Variants in TAF2 observed in about 807,000 individuals in gnomAD.
TAF2 encodes the protein transcription initiation factor TFIID subunit 2.
A neutral mutation model predicts 138.5 loss-of-function variants in TAF2; 61 were observed. The ratio of observed to expected loss-of-function variants is 0.44; its 90% confidence interval spans 0.36 to 0.54. The LOEUF (loss-of-function observed/expected upper bound fraction) is 0.54. Ranked by LOEUF, TAF2 falls within the 20% of genes least tolerant of loss-of-function variation. The pLI, the probability that TAF2 is intolerant of heterozygous loss-of-function variation, is 0.00. For synonymous variants in TAF2, 475 were observed against 469.9 expected (o/e 1.01, Z -0.14); for missense variants, 1,090 against 1,427.9 (o/e 0.76, Z 3.81).
chr8:119,808,240 C>T (rs1015489958), intron 3 of TAF2, among the ~76,000 whole-genome samples: 1 of 152,192 alleles, frequency 6.6e-6, no homozygotes, highest in Non-Finnish European at 1.5e-5. Flanking sequence ...ATTCCAAAAA[C>T]ATTCAGAGCA....
intron 4 of TAF2, among the ~76,000 whole-genome samples, chr8:119,804,750 T>TC: frequency 6.6e-6 from 1 of 152,284 alleles, no homozygotes; most frequent in East Asian, 1.9e-4. Context: ...TACACTTACT[T>TC]TTCAAGTTCT....
chr8:119,741,321 G>A (rs1586287550), intron 25 of TAF2, among the ~76,000 whole-genome samples: 1 of 152,014 alleles, frequency 6.6e-6, no homozygotes, highest in Non-Finnish European at 1.5e-5. Context: ...GTAAGCAGAA[G>A]CATCATCCTC....
intron 3 of TAF2, among the ~76,000 whole-genome samples, chr8:119,812,080 C>T (rs1418333370): frequency 6.6e-6 from 1 of 151,998 alleles, no homozygotes; most frequent in African/African-American, 2.4e-5. Context: ...TTGTTGCACG[C>T]AAGTTTTTAA....
chr8:119,775,809 A>C (rs1822189295), intron 18 of TAF2, among the ~76,000 whole-genome samples: 1 of 152,202 alleles, frequency 6.6e-6, no homozygotes, highest in African/African-American at 2.4e-5. Flanking sequence ...GGGAAAAATA[A>C]ATAGCCAGTT....
At chr8:119,829,946 C>T (rs1373543101) in intron 2 of TAF2, among the ~76,000 whole-genome samples, 2 of 150,506 alleles carry the variant, frequency 1.3e-5, no homozygotes, top group Non-Finnish European at 3.0e-5. Flanking sequence ...TGCAAGTTCG[C>T]CTCCCAGGTT....
Position 119,797,088 on chromosome 8 carries a change from G to A in TAF2, c.993C>T (p.His331=). The stretch of plus-strand genomic sequence containing the variant: ...GTGTCTCATCTATAATCATGGCACT[G>A]TGTAAAAGATTTGTGCTGGAATTTA... The part of the protein sequence containing the change: ...SMSIFSTNLL[H]SAMIIDETPL... Residue 331 remains histidine (H), a synonymous_variant, in exon 8 of 26, where the codon CAC becomes CAT. Transcript: ENST00000378164. The A allele has an allele frequency of 5.0e-6, 8 of 1,612,020 alleles. No individual in the cohort carries two copies. The highest frequency in any genetic ancestry group is 6.8e-6 in the Non-Finnish European group (8 of 1,178,456).
In TAF2 at chr8:119,738,458, A is replaced by G. The variant is rs577627933; in HGVS notation, c.3337+4076T>C. ...CACAGGCACCACTCATCTTTAGGCT[A>G]ATAAAAGTCCTTTTAGTAAACTGAA... On this transcript the variant is annotated intron_variant, in intron 25 of 25. Transcript: ENST00000378164. Among the ~76,000 whole-genome samples the G allele has an allele frequency of 1.8e-4, 28 of 152,318 alleles. No individual in the cohort carries two copies. The South Asian group carries it at 5.8e-3, about 32-fold the overall frequency.
chr8:119,747,578 G>A (rs1243786736), intron 22 of TAF2, among the ~76,000 whole-genome samples: 2 of 152,084 alleles, frequency 1.3e-5, no homozygotes, highest in African/African-American at 4.8e-5. Flanking sequence ...CAAAATAGGA[G>A]TTTTGGTCTC....
In TAF2 at chr8:119,766,238, G is replaced by A. The variant is rs754601122; in HGVS notation, c.2365-3630C>T. 2.8e-4 allele frequency among the ~76,000 whole-genome samples: 43 copies of A among 152,116 alleles called. No individual in the cohort carries two copies. In the East Asian group the frequency reaches 3.7e-3, roughly 13 times the overall value. ...AGTGGTTCTCAACACAATTCTGCCC[G>A]TCAGACTTTCTGGCAATGTCTAGAG... On this transcript the variant is annotated intron_variant, in intron 18 of 25. Coordinates refer to ENST00000378164, the MANE Select transcript of TAF2 (RefSeq NM_003184.4).
Position 119,782,527 on chromosome 8 carries a change from C to T in TAF2, c.2112+854G>A, listed in dbSNP as rs143753102. ...ATTATCATTAAAAATAAATCAAAAC[C>T]ATTATTAACTTGTTGAAATATAGGA... On this transcript the variant is annotated intron_variant, in intron 16 of 25. Coordinates refer to ENST00000378164, the MANE Select transcript of TAF2 (RefSeq NM_003184.4). Among the ~76,000 whole-genome samples the T allele has an allele frequency of 2.3e-3, 356 of 152,126 alleles. 1 individual carries two copies. The highest frequency in any genetic ancestry group is 8.2e-3 in the African/African-American group (340 of 41,504).
At chr8:119,765,364 T>C (rs564471044) in intron 18 of TAF2, among the ~76,000 whole-genome samples, 43 of 151,874 alleles carry the variant, frequency 2.8e-4, no homozygotes, top group African/African-American at 9.4e-4. Context: ...CAAAACAAAA[T>C]GAAACAATGC....
In TAF2 at chr8:119,797,054, T is replaced by C; in HGVS notation, c.1027A>G (p.Arg343Gly). ...AMIIDETPLT[R>G]RCLAQSLAQQ... ...GCCAAGGATTGGGCTAAACACCTTC[T>C]AGTCAAAGGTGTCTCATCTATAATC... The change falls in exon 8 of 26, where the codon AGA (arginine) becomes GGA (glycine). Residue 343 changes from arginine to glycine, a missense_variant. Physicochemically the swap from Arg to Gly is moderately radical, Grantham distance 125. Transcript: ENST00000378164. The C allele has an allele frequency of 6.2e-7, 1 of 1,613,294 alleles. No homozygotes were observed. The highest frequency in any genetic ancestry group is 8.5e-7 in the Non-Finnish European group (1 of 1,179,488).
chr8:119,811,435 AACAGCTCGATAAATTTTC>A (rs1232101788), intron 3 of TAF2, among the ~76,000 whole-genome samples: 15 of 152,130 alleles, frequency 9.9e-5, no homozygotes, highest in African/African-American at 3.6e-4. Flanking sequence ...CGCCCTAGTA[AACAGCTCGATAAATTTTC>A]ACAAACTGAA....
intron 3 of TAF2, among the ~76,000 whole-genome samples, chr8:119,817,446 T>G (rs1476021084): frequency 1.3e-5 from 2 of 152,100 alleles, no homozygotes; most frequent in Non-Finnish European, 2.9e-5. Context: ...GAGGTGGAAG[T>G]TTCATCCAAA....
chr8:119,733,780 GCC>G (rs112007210), intron 25 of TAF2, among the ~76,000 whole-genome samples: 3 of 149,054 alleles, frequency 2.0e-5, no homozygotes, highest in Admixed American at 1.3e-4. Flanking sequence ...TCTTAAATCC[GCC>G]CCCCCCCATC....
intron 25 of TAF2, among the ~76,000 whole-genome samples, chr8:119,738,126 T>C (rs1819354925): frequency 6.6e-6 from 1 of 151,796 alleles, no homozygotes; most frequent in African/African-American, 2.4e-5. Flanking sequence ...TTTTATTTAT[T>C]CTCTCTAGAG....
At chr8:119,751,049 T>C (rs1341973094) in intron 22 of TAF2, among the ~76,000 whole-genome samples, 2 of 152,172 alleles carry the variant, frequency 1.3e-5, no homozygotes, top group African/African-American at 4.8e-5. Flanking sequence ...AGCAAAAGTA[T>C]TTAAGTCTTA....
intron 2 of TAF2, among the ~76,000 whole-genome samples, chr8:119,825,673 C>T (rs1373544399): frequency 1.3e-5 from 2 of 151,854 alleles, no homozygotes; most frequent in South Asian, 2.1e-4. Flanking sequence ...CGAGACCTGA[C>T]GGTTTTTTTG....
rs997491186 is a variant in TAF2, at chr8:119,819,509, G to A, written c.139-3C>T. ...AATATAGTCAGTTCCACAAATCCCT[G>A]TAAAGATAGAGAATAACAACTTCAT... On this transcript the variant is annotated splice_region_variant and splice_polypyrimidine_tract_variant and intron_variant, in intron 2 of 25. Coordinates refer to ENST00000378164, the MANE Select transcript of TAF2 (RefSeq NM_003184.4). 6.2e-7 allele frequency: 1 copy of A among 1,602,468 alleles called. No homozygotes were observed. Among genetic ancestry groups the A allele is most frequent in the Non-Finnish European group, 8.5e-7 (1 of 1,176,828 alleles).
Sources: gnomAD v4.1 joint callset for allele counts (sites outside exome capture counted in the v4.1 genomes callset) on GRCh38, gnomAD v4.1.1 for gene constraint, MANE v1.5 for transcripts, NCBI Gene and HGNC (gene_info 2026-07-23, HGNC 2026-07-21) for gene names.